Variants in HNF4G observed in about 807,000 individuals in gnomAD.
HNF4G encodes hepatocyte nuclear factor 4 gamma.
A neutral mutation model predicts 50.9 loss-of-function variants in HNF4G; 21 were observed. The observed-to-expected ratio is 0.41, with a 90% CI of 0.29 to 0.59. HNF4G has a LOEUF of 0.59. Ranked by LOEUF, HNF4G falls within the 20% of genes least tolerant of loss-of-function variation. The pLI, the probability that HNF4G is intolerant of heterozygous loss-of-function variation, is 0.26. For missense variants in HNF4G, 527 were observed against 559.4 expected (o/e 0.94, Z 0.58); for synonymous variants, 198 against 185.6 (o/e 1.07, Z -0.54).
chr8:75,498,973 T>C (rs998628634), intron 2 of HNF4G, among the ~76,000 whole-genome samples: 2 of 152,048 alleles, frequency 1.3e-5, no homozygotes, highest in Non-Finnish European at 2.9e-5. Flanking sequence ...AGGGACAAGA[T>C]AAGAATGTCT....
chr8:75,439,854 T>C (rs1811233904), intron 1 of HNF4G, among the ~76,000 whole-genome samples: 1 of 152,088 alleles, frequency 6.6e-6, no homozygotes, highest in Non-Finnish European at 1.5e-5. Context: ...ATTCAGTTTT[T>C]ACTACATAAC....
intron 2 of HNF4G, among the ~76,000 whole-genome samples, chr8:75,510,764 A>G (rs1160249350): frequency 6.6e-6 from 1 of 152,180 alleles, no homozygotes; most frequent in Non-Finnish European, 1.5e-5. Context: ...ATTGCCTAAC[A>G]ATGCATTTCT....
chr8:75,566,012 C>G lies in HNF4G; in HGVS notation c.*1916C>G, dbSNP rs1807452433. On this transcript the variant is annotated 3_prime_UTR_variant, in exon 10 of 10. Coordinates refer to ENST00000396423, the MANE Select transcript of HNF4G (RefSeq NM_004133.5). ...AATAACTTTTGTAGATTTTTGTTTACTTTTGGGGGGGTTCCCTTAGAAGAC... is the reference window on the plus strand; with the variant it reads ...AATAACTTTTGTAGATTTTTGTTTAGTTTTGGGGGGGTTCCCTTAGAAGAC... The G allele has an allele frequency of 1.3e-5, 2 of 148,762 alleles. No homozygotes were observed. The highest frequency in any genetic ancestry group is 5.1e-5 in the African/African-American group (2 of 39,180). The allele number at this position is 148,762 out of a possible 1,614,324, so 9.2% of individuals were successfully genotyped here.
At chr8:75,528,756 A>C (rs1806246577) in intron 2 of HNF4G, among the ~76,000 whole-genome samples, 1 of 148,482 alleles carries the variant, frequency 6.7e-6, no homozygotes, top group African/African-American at 2.5e-5. Flanking sequence ...AGTAATGCCC[A>C]AAAAGTGAAA....
At chr8:75,451,096 A>G (rs1407999740) in intron 1 of HNF4G, among the ~76,000 whole-genome samples, 1 of 151,964 alleles carries the variant, frequency 6.6e-6, no homozygotes, top group Non-Finnish European at 1.5e-5. Flanking sequence ...AATGTTGAAC[A>G]TTTTTTCATA....
At chr8:75,531,416 A>G (rs1806323285) in intron 2 of HNF4G, among the ~76,000 whole-genome samples, 1 of 152,220 alleles carries the variant, frequency 6.6e-6, no homozygotes, top group Admixed American at 6.5e-5. Flanking sequence ...GATAAAAATT[A>G]CATTTACAAA....
chr8:75,522,848 G>A lies in HNF4G; in HGVS notation c.-23-20963G>A, dbSNP rs189856832. On this transcript the variant is annotated intron_variant, in intron 2 of 10. Coordinates refer to the HNF4G transcript ENST00000354370. ...TGGAGTTATAGCATGTCTATATAAT[G>A]GAAATGCTCTCACTGGAGTTTATTT... is the stretch of plus-strand genomic sequence containing the variant. Among the ~76,000 whole-genome samples, 443 of 152,188 alleles carry A rather than the reference G, an allele frequency of 2.9e-3. 2 individuals are homozygous for A. The highest frequency in any genetic ancestry group is 5.0e-3 in the Admixed American group (76 of 15,276).
At chr8:75,462,692 G>T (rs1254847686) in intron 1 of HNF4G, among the ~76,000 whole-genome samples, 6 of 152,124 alleles carry the variant, frequency 3.9e-5, no homozygotes, top group Non-Finnish European at 7.4e-5. Flanking sequence ...TCACTACAAT[G>T]ATTACGGTAG....
At chr8:75,493,434 A>G (rs1366512495) in intron 2 of HNF4G, among the ~76,000 whole-genome samples, 1 of 152,190 alleles carries the variant, frequency 6.6e-6, no homozygotes. Context: ...GCTTTGCCAA[A>G]TGTTTATACC....
At chr8:75,563,746 A>T (rs1037079666) in intron 9 of HNF4G, among the ~76,000 whole-genome samples, 28 of 150,856 alleles carry the variant, frequency 1.9e-4, no homozygotes, top group Non-Finnish European at 2.2e-4. Context: ...TATGAAAAAA[A>T]TTTTTTAACA....
intron 1 of HNF4G, among the ~76,000 whole-genome samples, chr8:75,473,878 G>A (rs1465299311): frequency 1.3e-5 from 2 of 152,092 alleles, no homozygotes; most frequent in East Asian, 3.9e-4. Context: ...AAAAGTGAAT[G>A]TGTGATGACA....
chr8:75,546,051 C>T (rs573742854), intron 2 of HNF4G, among the ~76,000 whole-genome samples: 74 of 151,758 alleles, frequency 4.9e-4, no homozygotes, highest in Non-Finnish European at 1.0e-3. Context: ...AAGTGGACAC[C>T]GATAGTTTTT....
At chr8:75,477,391 T>C (rs1411333639) in intron 1 of HNF4G, among the ~76,000 whole-genome samples, 3 of 152,172 alleles carry the variant, frequency 2.0e-5, no homozygotes, top group Non-Finnish European at 4.4e-5. Flanking sequence ...TTGGATCCTC[T>C]ACATTTACAG....
chr8:75,539,944 T>C lies in HNF4G; in HGVS notation c.-19T>C. The C allele has an allele frequency of 9.0e-7, 1 of 1,114,912 alleles. No homozygotes were observed. Among genetic ancestry groups the C allele is most frequent in the South Asian group, 1.2e-5 (1 of 80,532 alleles). 69.1% of individuals were successfully genotyped at this position (1,114,912 alleles called of 1,614,324 possible). On this transcript the variant is annotated 5_prime_UTR_variant, in exon 1 of 10. Transcript: ENST00000396423. ...CACTCTGGGCTTGTGGTGCCACTTGTATGTGTGTTTCTAAATCAATGATGA... is the reference window on the plus strand; with the variant it reads ...CACTCTGGGCTTGTGGTGCCACTTGCATGTGTGTTTCTAAATCAATGATGA...
intron 9 of HNF4G, among the ~76,000 whole-genome samples, chr8:75,562,970 A>G (rs538020337): frequency 3.9e-5 from 6 of 152,272 alleles, no homozygotes; most frequent in Non-Finnish European, 7.4e-5. Context: ...CTGCACTTAA[A>G]AATTTTGCTT....
chr8:75,475,947 ATTTT>A (rs1220033007), intron 1 of HNF4G, among the ~76,000 whole-genome samples: 1 of 151,552 alleles, frequency 6.6e-6, no homozygotes, highest in Non-Finnish European at 1.5e-5. Flanking sequence ...TATTTTTAAA[ATTTT>A]TTTTATTATG....
chr8:75,553,027 T>C lies in HNF4G; in HGVS notation c.490-15T>C, dbSNP rs1439903187. ...ATTATTTTAAATGATAATATAATGCTTTTCTTAATACTAGATCTCAGTCTC... is the reference window on the plus strand; with the variant it reads ...ATTATTTTAAATGATAATATAATGCCTTTCTTAATACTAGATCTCAGTCTC... On this transcript the variant is annotated splice_polypyrimidine_tract_variant and intron_variant, in intron 4 of 9. Coordinates refer to ENST00000396423, the MANE Select transcript of HNF4G (RefSeq NM_004133.5). 3.2e-6 allele frequency: 5 copies of C among 1,585,388 alleles called. No individual in the cohort carries two copies. In the East Asian group the frequency reaches 1.1e-4, roughly 36 times the overall value.
At chr8:75,429,639 A>T (rs182912055) in intron 1 of HNF4G, among the ~76,000 whole-genome samples, 39 of 152,286 alleles carry the variant, frequency 2.6e-4, no homozygotes, top group African/African-American at 8.7e-4. Flanking sequence ...ATTAGTGAAG[A>T]TCATGACGTT....
chr8:75,496,473 G>A (rs1030621454), intron 2 of HNF4G, among the ~76,000 whole-genome samples: 1 of 151,784 alleles, frequency 6.6e-6, no homozygotes, highest in Non-Finnish European at 1.5e-5. Context: ...TCAAAAGCTT[G>A]ACGTTACCAG....
Sources: allele counts gnomAD v4.1 joint callset (sites outside exome capture counted in the v4.1 genomes callset), GRCh38; gene constraint gnomAD v4.1.1; transcripts MANE v1.5; gene names NCBI Gene and HGNC (gene_info 2026-07-23, HGNC 2026-07-21).